The following PCDHA9 variants were observed in gnomAD, a reference collection of about 807,000 sequenced individuals.
PCDHA9 encodes the protein protocadherin alpha-9.
In PCDHA9, 62 loss-of-function variants were observed where a neutral mutation model predicts 62.0. The observed-to-expected ratio is 1.00, with a 90% CI of 0.81 to 1.23. PCDHA9 has a LOEUF of 1.23. PCDHA9 is among the 50% of genes most tolerant of loss of function. The probability of loss-of-function intolerance (pLI) is 0.00; values close to 1 mark genes in which losing one functional copy is unlikely to be tolerated. For missense variants in PCDHA9, 1,205 were observed against 1,249.8 expected (o/e 0.96, Z 0.54); for synonymous variants, 557 against 567.6 (o/e 0.98, Z 0.27).
rs2150411102 is a variant in PCDHA9, at chr5:140,848,487, G to A, written c.-9G>A. 8 of 1,574,380 alleles carry A rather than the reference G, an allele frequency of 5.1e-6. No individual in the cohort carries two copies. The Admixed American group carries it at 1.2e-4, about 24-fold the overall frequency. On this transcript the variant is annotated 5_prime_UTR_variant, in exon 1 of 4. Coordinates refer to ENST00000532602, the MANE Select transcript of PCDHA9 (RefSeq NM_031857.2). ...TTTTCACTAATTAGAAGAAGACTGA[G>A]TATTTGAAATGTTATACTCAAGTCG...
intron 1 of PCDHA9, among the ~76,000 whole-genome samples, chr5:140,953,932 C>G (rs1005245846): frequency 1.2e-4 from 19 of 152,060 alleles, no homozygotes; most frequent in Non-Finnish European, 5.9e-5. Flanking sequence ...CTGATGCTCT[C>G]CCTCCCATTG....
intron 1 of PCDHA9, among the ~76,000 whole-genome samples, chr5:140,948,380 C>T (rs1554218531): frequency 2.6e-5 from 4 of 151,612 alleles, no homozygotes; most frequent in African/African-American, 4.8e-5. Flanking sequence ...GTTCCTTCCT[C>T]TATTTTCTGA....
At chr5:140,932,192 T>C (rs1359260162) in intron 1 of PCDHA9, among the ~76,000 whole-genome samples, 4 of 151,968 alleles carry the variant, frequency 2.6e-5, no homozygotes, top group African/African-American at 9.6e-5. Context: ...GTCCATTTTT[T>C]TCTGTTAATA....
intron 1 of PCDHA9, among the ~76,000 whole-genome samples, chr5:140,941,301 TTTC>T (rs1554214297): frequency 1.4e-5 from 2 of 143,748 alleles, no homozygotes; most frequent in African/African-American, 2.6e-5. Flanking sequence ...TCTTTCTTTC[TTTC>T]TTTTTCTTCT....
chr5:140,942,901 A>T (rs1361297196), intron 1 of PCDHA9, among the ~76,000 whole-genome samples: 1 of 152,094 alleles, frequency 6.6e-6, no homozygotes, highest in East Asian at 1.9e-4. Context: ...TATCTCTAAG[A>T]ATAAGCGTGA....
At chr5:140,883,774 T>C (rs782252577) in intron 1 of PCDHA9, 10 of 1,612,152 alleles carry the variant, frequency 6.2e-6, no homozygotes, top group South Asian at 5.5e-5. Flanking sequence ...TGGGCGAGCG[T>C]GCGCTGTCGA....
In PCDHA9 at chr5:141,009,947, A is replaced by G; in HGVS notation, c.*10A>G. On this transcript the variant is annotated 3_prime_UTR_variant, in exon 4 of 4. Coordinates refer to ENST00000532602, the MANE Select transcript of PCDHA9 (RefSeq NM_031857.2). ...CAACAGTGACCAGTGAGGTCCTCAAATGGAAACAAGCCACTTAGCCAGTTT... is the reference window on the plus strand; with the variant it reads ...CAACAGTGACCAGTGAGGTCCTCAAGTGGAAACAAGCCACTTAGCCAGTTT... The G allele has an allele frequency of 1.9e-6, 3 of 1,596,272 alleles. No individual in the cohort carries two copies. The South Asian group carries it at 3.4e-5, about 18-fold the overall frequency.
rs79396364 is a variant in PCDHA9 at position 140,939,917 on chromosome 5, T to C, written c.2395-39032T>C. On this transcript the variant is annotated intron_variant, in intron 1 of 3. Transcript: ENST00000532602. ...TATTCTGCATTCTTTTTTATTCTTT[T>C]TGTTTGCTTATTTTATCAGTTACTG... is the stretch of plus-strand genomic sequence containing the variant. Among the ~76,000 whole-genome samples, 828 of 152,316 alleles carry C rather than the reference T, an allele frequency of 5.4e-3. 3 individuals carry two copies. The highest frequency in any genetic ancestry group is 0.019 in the African/African-American group (797 of 41,560).
chr5:140,966,690 G>T, intron 1 of PCDHA9: 1 of 1,349,568 alleles, frequency 7.4e-7, no homozygotes, highest in Non-Finnish European at 9.5e-7. Context: ...AGCGGAGGCG[G>T]GGCCCGGGCG....
chr5:141,005,031 A>G (rs2098194150), intron 3 of PCDHA9, among the ~76,000 whole-genome samples: 1 of 152,212 alleles, frequency 6.6e-6, no homozygotes, highest in South Asian at 2.1e-4. Context: ...ATAATTGCCC[A>G]TATGTGATAC....
intron 1 of PCDHA9, among the ~76,000 whole-genome samples, chr5:140,874,267 A>G (rs929129030): frequency 6.6e-6 from 1 of 152,232 alleles, no homozygotes; most frequent in Non-Finnish European, 1.5e-5. Flanking sequence ...TGACTTGAGT[A>G]TTAATAGACT....
At chr5:140,933,512 A>C (rs2089201610) in intron 1 of PCDHA9, among the ~76,000 whole-genome samples, 1 of 152,078 alleles carries the variant, frequency 6.6e-6, no homozygotes, top group African/African-American at 2.4e-5. Context: ...CAAAGACTAC[A>C]GCTGTTTTGT....
At position 140,857,333 on chromosome 5, in the gene PCDHA9, G is replaced by C. The variant is rs200210897; in HGVS notation, c.2394+6444G>C. On this transcript the variant is annotated intron_variant, in intron 1 of 3. Coordinates refer to ENST00000532602, the MANE Select transcript of PCDHA9 (RefSeq NM_031857.2). Reference sequence around the variant, plus strand: ...TGAGCTGGTGGTGACCGCGCGGGACGGGGGCTCGCCTCCGCTGTGGGCCAC... The same window carrying C: ...TGAGCTGGTGGTGACCGCGCGGGACCGGGGCTCGCCTCCGCTGTGGGCCAC... 1.4e-4 allele frequency: 230 copies of C among 1,598,472 alleles called. 32 individuals are homozygous for C. The highest frequency in any genetic ancestry group is 1.8e-4 in the Non-Finnish European group (207 of 1,167,970).
chr5:140,969,051 A>T (rs908108421), intron 1 of PCDHA9: 3 of 1,614,062 alleles, frequency 1.9e-6, no homozygotes, highest in Non-Finnish European at 1.7e-6. Context: ...CAAGCCAACA[A>T]CAATATTGAT....
chr5:140,857,662 T>A (rs782577621), intron 1 of PCDHA9: 2 of 1,596,528 alleles, frequency 1.3e-6, no homozygotes, highest in Non-Finnish European at 1.7e-6. Flanking sequence ...GCGCGCGCGA[T>A]GGGGGCGTGC....
intron 1 of PCDHA9, chr5:140,875,470 G>T: frequency 6.2e-7 from 1 of 1,605,786 alleles, no homozygotes; most frequent in Non-Finnish European, 8.5e-7. Context: ...CTCATTTTCT[G>T]CAATGGTGAT....
At chr5:140,924,477 T>C (rs1378646713) in intron 1 of PCDHA9, among the ~76,000 whole-genome samples, 1 of 152,230 alleles carries the variant, frequency 6.6e-6, no homozygotes, top group Admixed American at 6.5e-5. Context: ...AACTGGTTTT[T>C]AGTGGAACAC....
chr5:140,893,195 C>T (rs1445634918), intron 1 of PCDHA9, among the ~76,000 whole-genome samples: 2 of 152,164 alleles, frequency 1.3e-5, no homozygotes, highest in Admixed American at 1.3e-4. Context: ...GTGAATAGTG[C>T]TGCAGTAAGT....
Position 140,881,600 on chromosome 5 carries a change from A to G in PCDHA9, c.2394+30711A>G, listed in dbSNP as rs193128939. On this transcript the variant is annotated intron_variant, in intron 1 of 3. Coordinates refer to ENST00000532602, the MANE Select transcript of PCDHA9 (RefSeq NM_031857.2). ...GTCACATTGAGGGAAATTTATTAAT[A>G]TGATGTGCTTATTCAAAATCTGATA... 3.1e-3 allele frequency among the ~76,000 whole-genome samples: 469 copies of G among 152,338 alleles called. 3 individuals are homozygous for G. Among genetic ancestry groups the G allele is most frequent in the Middle Eastern group, 0.014 (4 of 294 alleles).
Sources: allele counts gnomAD v4.1 joint callset (sites outside exome capture counted in the v4.1 genomes callset), GRCh38; gene constraint gnomAD v4.1.1; transcripts MANE v1.5; gene names NCBI Gene and HGNC (gene_info 2026-07-23, HGNC 2026-07-21).